Variants in CNTNAP2 observed in about 807,000 individuals in gnomAD.
CNTNAP2 encodes the protein contactin associated protein 2, also known as contactin-associated protein-like 2.
A neutral mutation model predicts 155.2 loss-of-function variants in CNTNAP2; 98 were observed. That is an observed-to-expected ratio of 0.63 (90% confidence interval 0.54 to 0.75). The LOEUF (loss-of-function observed/expected upper bound fraction) is 0.75, where lower values mean the gene tolerates loss of function less well. CNTNAP2 is among the 30% of genes least tolerant of loss of function. The probability of loss-of-function intolerance (pLI) is 0.00; values close to 1 mark genes in which losing one functional copy is unlikely to be tolerated. For synonymous variants in CNTNAP2, 651 were observed against 631.2 expected (o/e 1.03, Z -0.47); for missense variants, 1,727 against 1,688.1 (o/e 1.02, Z -0.40).
chr7:148,253,619 G>T (rs1263563760), intron 20 of CNTNAP2, among the ~76,000 whole-genome samples: 1 of 152,144 alleles, frequency 6.6e-6, no homozygotes, highest in African/African-American at 2.4e-5. Context: ...TCAGCAAGAT[G>T]ATTTGAGTCT....
chr7:147,229,399 A>G (rs193055775), intron 8 of CNTNAP2, among the ~76,000 whole-genome samples: 2 of 152,338 alleles, frequency 1.3e-5, no homozygotes, highest in Admixed American at 1.3e-4. Context: ...TGGGTGGTCC[A>G]CTTGGTAAAG....
At chr7:148,259,338 A>C (rs1796514854) in intron 20 of CNTNAP2, among the ~76,000 whole-genome samples, 1 of 151,368 alleles carries the variant, frequency 6.6e-6, no homozygotes, top group Non-Finnish European at 1.5e-5. Flanking sequence ...CCTGGATGAC[A>C]GAATAAGACC....
chr7:147,287,055 A>G (rs1284350404), intron 8 of CNTNAP2, among the ~76,000 whole-genome samples: 2 of 152,170 alleles, frequency 1.3e-5, no homozygotes, highest in South Asian at 2.1e-4. Context: ...ATTCAGTGCC[A>G]TCTCAATGGG....
At chr7:147,550,571 A>G (rs532537506) in intron 11 of CNTNAP2, among the ~76,000 whole-genome samples, 1 of 152,310 alleles carries the variant, frequency 6.6e-6, no homozygotes, top group East Asian at 1.9e-4. Flanking sequence ...AGAATGGACT[A>G]AATACACTGA....
intron 3 of CNTNAP2, among the ~76,000 whole-genome samples, chr7:146,882,008 T>G (rs1193312760): frequency 6.6e-6 from 1 of 152,044 alleles, no homozygotes; most frequent in Non-Finnish European, 1.5e-5. Context: ...TGTTGCCATC[T>G]TTGTGTCCAT....
intron 1 of CNTNAP2, among the ~76,000 whole-genome samples, chr7:146,305,204 G>A (rs981620182): frequency 1.3e-5 from 2 of 152,012 alleles, no homozygotes; most frequent in African/African-American, 2.4e-5. Flanking sequence ...GCTTCTTTGC[G>A]ATGGGTTCGT....
chr7:147,179,429 A>T (rs955085648), intron 8 of CNTNAP2, among the ~76,000 whole-genome samples: 2 of 152,134 alleles, frequency 1.3e-5, no homozygotes, highest in African/African-American at 4.8e-5. Context: ...GAGGAAGAAA[A>T]CTCCAGACAA....
intron 1 of CNTNAP2, among the ~76,000 whole-genome samples, chr7:146,207,635 G>GTTT (rs1798966839): frequency 5.1e-5 from 5 of 98,596 alleles, no homozygotes; most frequent in African/African-American, 1.8e-4. Context: ...GAACAGGACT[G>GTTT]TGTTTTTTTT....
intron 13 of CNTNAP2, among the ~76,000 whole-genome samples, chr7:147,722,808 T>G (rs1381792809): frequency 1.3e-5 from 2 of 152,080 alleles, no homozygotes; most frequent in African/African-American, 4.8e-5. Flanking sequence ...GTGTCACAGG[T>G]CATTTCATCT....
chr7:147,875,642 A>G (rs549909859), intron 13 of CNTNAP2, among the ~76,000 whole-genome samples: 2 of 152,170 alleles, frequency 1.3e-5, no homozygotes, highest in Admixed American at 1.3e-4. Flanking sequence ...CCGTAATCAC[A>G]GCACTTTGGG....
chr7:146,253,334 G>C (rs950085280), intron 1 of CNTNAP2, among the ~76,000 whole-genome samples: 1 of 152,202 alleles, frequency 6.6e-6, no homozygotes, highest in Non-Finnish European at 1.5e-5. Context: ...TCTAGACGCA[G>C]TCCTCTGCCA....
chr7:147,015,976 A>G (rs1798716398), intron 3 of CNTNAP2, among the ~76,000 whole-genome samples: 1 of 152,140 alleles, frequency 6.6e-6, no homozygotes, highest in Non-Finnish European at 1.5e-5. Flanking sequence ...ACTATTATGA[A>G]GTATATCGTG....
At chr7:147,700,680 C>T (rs1322859795) in intron 13 of CNTNAP2, among the ~76,000 whole-genome samples, 1 of 152,164 alleles carries the variant, frequency 6.6e-6, no homozygotes, top group Non-Finnish European at 1.5e-5. Context: ...TGAGGAGACA[C>T]AATTGCTCCC....
At chr7:146,426,129 C>A (rs916323420) in intron 1 of CNTNAP2, among the ~76,000 whole-genome samples, 5 of 131,452 alleles carry the variant, frequency 3.8e-5, no homozygotes, top group Admixed American at 1.0e-4. Flanking sequence ...GAGGCTGCAG[C>A]GAGCCAAGAT....
At chr7:147,198,232 C>CTTTTTTTTTT (rs71525992) in intron 8 of CNTNAP2, among the ~76,000 whole-genome samples, 17 of 113,094 alleles carry the variant, frequency 1.5e-4, no homozygotes, top group South Asian at 6.2e-4. Flanking sequence ...TTCCAATATC[C>CTTTTTTTTTT]TTTTTTTTTT....
At chr7:146,422,049 T>A (rs1282131151) in intron 1 of CNTNAP2, among the ~76,000 whole-genome samples, 2 of 151,722 alleles carry the variant, frequency 1.3e-5, no homozygotes, top group African/African-American at 4.8e-5. Flanking sequence ...GGGTAATTTT[T>A]TTTTAGTATT....
At chr7:146,774,146 TA>T in intron 1 of CNTNAP2, 124 bp from the exon 2 acceptor site, 1 of 740,772 alleles carries the variant, frequency 1.3e-6, no homozygotes, top group Non-Finnish European at 2.3e-6. Flanking sequence ...ATTCCTTTGC[TA>T]AATATTGTTT....
intron 3 of CNTNAP2, among the ~76,000 whole-genome samples, chr7:146,967,671 C>T (rs1309034064): frequency 6.6e-6 from 1 of 152,178 alleles, no homozygotes; most frequent in African/African-American, 2.4e-5. Flanking sequence ...TATCCTGAGA[C>T]TTTGCTGAAG....
At chr7:146,477,647 ACACAC>A in intron 1 of CNTNAP2, among the ~76,000 whole-genome samples, 1 of 144,924 alleles carries the variant, frequency 6.9e-6, no homozygotes, top group African/African-American at 2.7e-5. Flanking sequence ...ACACACACAC[ACACAC>A]ACACACACAC....
Sources: gnomAD v4.1 joint callset for allele counts (sites outside exome capture counted in the v4.1 genomes callset) on GRCh38, gnomAD v4.1.1 for gene constraint, MANE v1.5 for transcripts, NCBI Gene and HGNC (gene_info 2026-07-23, HGNC 2026-07-21) for gene names.